Variants in FEZF2 observed in about 807,000 individuals in gnomAD.
FEZF2 encodes fez family zinc finger protein 2.
In FEZF2, 2 loss-of-function variants were observed where a neutral mutation model predicts 32.8. The observed-to-expected ratio is 0.06, with a 90% CI of 0.02 to 0.19. The LOEUF (loss-of-function observed/expected upper bound fraction) is 0.19, where lower values mean the gene tolerates loss of function less well. Ranked by LOEUF, FEZF2 falls within the 10% of genes least tolerant of loss-of-function variation. FEZF2 has a pLI of 1.00. For missense variants in FEZF2, 516 were observed against 625.4 expected, an observed-to-expected ratio of 0.83 and a Z score of 1.87; for synonymous variants, 322 against 284.8, an observed-to-expected ratio of 1.13 and a Z score of -1.32.
In FEZF2 at chr3:62,369,990, A is replaced by G. The variant is rs1056434252; in HGVS notation, c.*93T>C. On this transcript the variant is annotated 3_prime_UTR_variant, in exon 5 of 5. Coordinates refer to ENST00000283268, the MANE Select transcript of FEZF2 (RefSeq NM_018008.4). This position sits in a 1 kb window ranked among gnomAD's most constrained non-coding sequence, Gnocchi z 4.2. ...AAATAGATTTTAGCCTCTCTGCTATAGTTTTTTTTTCTTTTAATTTTAGAA... is the reference window on the plus strand; with the variant it reads ...AAATAGATTTTAGCCTCTCTGCTATGGTTTTTTTTTCTTTTAATTTTAGAA... 2.8e-5 allele frequency: 30 copies of G among 1,070,196 alleles called. No homozygotes were observed. Among genetic ancestry groups the G allele is most frequent in the Non-Finnish European group, 4.0e-5 (30 of 757,022 alleles). 66.3% of individuals were successfully genotyped at this position (1,070,196 alleles called of 1,614,324 possible).
In FEZF2 at chr3:62,372,436, C is replaced by G. The variant is rs762481220; in HGVS notation, c.433G>C (p.Ala145Pro). The G allele has an allele frequency of 6.2e-7, 1 of 1,608,686 alleles. No individual in the cohort carries two copies. The highest frequency in any genetic ancestry group is 1.1e-5 in the South Asian group (1 of 90,566). ...CKAELGLAPS[A>P]LPAGRVIKPQ... ...TTGATGACCCTGCCCGCGGGCAGCGCGGACGGCGCCAGGCCCAGCTCGGCC... is the reference window on the plus strand; with the variant it reads ...TTGATGACCCTGCCCGCGGGCAGCGGGGACGGCGCCAGGCCCAGCTCGGCC... The change falls in exon 2 of 5, where the codon GCG (alanine) becomes CCG (proline). Residue 145 changes from alanine (A) to proline (P), a missense_variant. Physicochemically the swap from Ala to Pro is conservative, Grantham distance 27. Coordinates refer to ENST00000283268, the MANE Select transcript of FEZF2 (RefSeq NM_018008.4). The surrounding 1 kb of genome is among the most constrained non-coding windows in gnomAD (Gnocchi z 9.6).
chr3:62,371,682 G>C lies in FEZF2; in HGVS notation c.853-15C>G. 6.2e-7 allele frequency: 1 copy of C among 1,601,114 alleles called. No homozygotes were observed. ...GCGTTAAACACCTATGGAAAGACAT[G>C]GGGGGCCTTGTGGTGCGTCTGTCCG... On this transcript the variant is annotated splice_polypyrimidine_tract_variant and intron_variant, in intron 2 of 4. Coordinates refer to ENST00000283268, the MANE Select transcript of FEZF2 (RefSeq NM_018008.4).
chr3:62,371,203 G>A lies in FEZF2; in HGVS notation c.1120+14C>T. 6.2e-7 allele frequency: 1 copy of A among 1,614,230 alleles called. No homozygotes were observed. The highest frequency in any genetic ancestry group is 8.5e-7 in the Non-Finnish European group (1 of 1,180,024). ...AGGTGAGGTGAGAAGAGAAGGCCTC[G>A]CCTGGCACGTTACCTTTTTGGTGAA... On this transcript the variant is annotated intron_variant, in intron 4 of 4. Coordinates refer to ENST00000283268, the MANE Select transcript of FEZF2 (RefSeq NM_018008.4).
Position 62,372,430 on chromosome 3 carries a change from G to A in FEZF2, c.439C>T (p.Pro147Ser). The change falls in exon 2 of 5, where the codon CCC becomes TCC. Residue 147 changes from proline to serine, a missense_variant. Pro to Ser is a moderately conservative substitution (Grantham distance 74). Around this residue, in one of 3 missense-constraint regions of FEZF2, gnomAD observed 408 missense variants for 382.2 expected, o/e 1.07. Coordinates refer to ENST00000283268, the MANE Select transcript of FEZF2 (RefSeq NM_018008.4). The surrounding 1 kb of genome is among the most constrained non-coding windows in gnomAD (Gnocchi z 9.6). ...TGCGGCTTGATGACCCTGCCCGCGG[G>A]CAGCGCGGACGGCGCCAGGCCCAGC... ...AELGLAPSAL[P>S]AGRVIKPQVI... 3.7e-6 allele frequency: 6 copies of A among 1,609,558 alleles called. No individual in the cohort carries two copies. Among genetic ancestry groups the A allele is most frequent in the Non-Finnish European group, 5.1e-6 (6 of 1,179,150 alleles).
rs1704306494 is a variant in FEZF2 at position 62,373,494 on chromosome 3, A to T, written c.-274T>A. On this transcript the variant is annotated 5_prime_UTR_variant, in exon 1 of 5. Coordinates refer to ENST00000283268, the MANE Select transcript of FEZF2 (RefSeq NM_018008.4). The surrounding 1 kb of genome is among the most constrained non-coding windows in gnomAD (Gnocchi z 5.5). ...CCCGCGCCTGCCGGCCGCCGCCACC[A>T]CCGCCCCTCAAACTTTAAAAGGAGG... is the stretch of plus-strand genomic sequence containing the variant. 6.6e-6 allele frequency: 1 copy of T among 151,976 alleles called. No individual in the cohort carries two copies. Among genetic ancestry groups the T allele is most frequent in the South Asian group, 2.1e-4 (1 of 4,764 alleles). The allele number at this position is 151,976 out of a possible 1,614,324, so 9.4% of individuals were successfully genotyped here. A position where few individuals can be genotyped will look rare whatever the true frequency, so the allele number is the denominator to read the frequency against.
chr3:62,371,779 C>T (rs1018185044), intron 2 of FEZF2, 112 bp from the exon 3 acceptor site: 4 of 1,490,996 alleles, frequency 2.7e-6, no homozygotes, highest in Non-Finnish European at 3.6e-6. Context: ...GAAACCAGAG[C>T]CTTTTTCAGT....
chr3:62,370,622 C>A lies in FEZF2; in HGVS notation c.1121-280G>T, dbSNP rs2148945064. On this transcript the variant is annotated intron_variant, in intron 4 of 4. Coordinates refer to ENST00000283268, the MANE Select transcript of FEZF2 (RefSeq NM_018008.4). The surrounding 1 kb of genome is among the most constrained non-coding windows in gnomAD (Gnocchi z 4.2). Reference sequence around the variant, plus strand: ...TTCCCTCCCGCCGCGCTCCGCGGGCCGGGAAACTTTTGCGTAGCCCAGAGA... The same window carrying A: ...TTCCCTCCCGCCGCGCTCCGCGGGCAGGGAAACTTTTGCGTAGCCCAGAGA... Among the ~76,000 whole-genome samples, 1 of 152,360 alleles carries A rather than the reference C, an allele frequency of 6.6e-6. No individual in the cohort carries two copies. Among genetic ancestry groups the A allele is most frequent in the African/African-American group, 2.4e-5 (1 of 41,592 alleles).
In FEZF2 at chr3:62,371,495, G is replaced by T. The variant is rs764642466; in HGVS notation, c.987+38C>A. On this transcript the variant is annotated intron_variant, in intron 3 of 4. Coordinates refer to ENST00000283268, the MANE Select transcript of FEZF2 (RefSeq NM_018008.4). Reference sequence around the variant, plus strand: ...CGGTGTTATCACTAAGATTCTGGGGGTTGCGCGCGGGCTAGGCCCGACCCG... The same window carrying T: ...CGGTGTTATCACTAAGATTCTGGGGTTTGCGCGCGGGCTAGGCCCGACCCG... 5.0e-6 allele frequency: 8 copies of T among 1,592,844 alleles called. No individual in the cohort carries two copies. In the South Asian group the frequency reaches 8.0e-5, roughly 16 times the overall value.
chr3:62,371,401 G>A (rs1404504964), intron 3 of FEZF2, 52 bp from the exon 4 acceptor site: 1 of 1,594,530 alleles, frequency 6.3e-7, no homozygotes, highest in Non-Finnish European at 8.6e-7. Context: ...GGGAACACCT[G>A]GAAGGGACAT....
rs924233548 is a variant in FEZF2 at position 62,370,286 on chromosome 3, T to C, written c.1177A>G (p.Ile393Val). ...ACCTGGTGGAAGGCCTTGTTGCAGA[T>C]GGTACATTTGTACTGCTTCTCGCCG... ...HSGEKQYKCT[I>V]CNKAFHQVYN... Residue 393 changes from isoleucine to valine, a missense_variant, in exon 5 of 5, where the codon ATC becomes GTC. Transcript: ENST00000283268. The surrounding 1 kb of genome is among the most constrained non-coding windows in gnomAD (Gnocchi z 4.2). 1.2e-6 allele frequency: 2 copies of C among 1,614,114 alleles called. No individual in the cohort carries two copies. Among genetic ancestry groups the C allele is most frequent in the Non-Finnish European group, 1.7e-6 (2 of 1,180,048 alleles).
intron 2 of FEZF2, 42 bp downstream of exon 2, chr3:62,371,975 G>C: frequency 6.3e-7 from 1 of 1,583,546 alleles, no homozygotes; most frequent in East Asian, 2.3e-5. Flanking sequence ...CGCCGCCGCC[G>C]ATCGCCCCTC....
chr3:62,371,985 C>T, intron 2 of FEZF2, 32 bp downstream of exon 2: 1 of 1,591,578 alleles, frequency 6.3e-7, no homozygotes, highest in Non-Finnish European at 8.5e-7. Context: ...GATCGCCCCT[C>T]CCGGCCCCCC....
rs1490642405 is a variant in FEZF2 at position 62,372,139 on chromosome 3, G to C, written c.730C>G (p.Gln244Glu). 2.6e-5 allele frequency: 42 copies of C among 1,595,460 alleles called. No homozygotes were observed. Among genetic ancestry groups the C allele is most frequent in the Non-Finnish European group, 3.3e-5 (39 of 1,171,488 alleles). ...HKERLPAPLE[Q>E]VLKENSALTA... is the part of the protein sequence containing the mutation. ...AGGGCCGAGTTTTCCTTCAGTACCTGCTCCAGCGGCGCCGGCAAGCGCTCC... is the reference window on the plus strand; with the variant it reads ...AGGGCCGAGTTTTCCTTCAGTACCTCCTCCAGCGGCGCCGGCAAGCGCTCC... The change falls in exon 2 of 5, where the codon CAG becomes GAG. Residue 244 changes from glutamine to glutamate, a missense_variant. Physicochemically the swap from Gln to Glu is conservative, Grantham distance 29. This residue lies in a region of FEZF2 where 408 missense variants were observed against 382.2 expected (regional missense o/e 1.07). Coordinates refer to ENST00000283268, the MANE Select transcript of FEZF2 (RefSeq NM_018008.4). This position sits in a 1 kb window ranked among gnomAD's most constrained non-coding sequence, Gnocchi z 9.6.
Position 62,371,481 on chromosome 3 carries a change from C to T in FEZF2, c.987+52G>A, listed in dbSNP as rs1933484181. 4 of 1,585,654 alleles carry T rather than the reference C, an allele frequency of 2.5e-6. No individual in the cohort carries two copies. The African/African-American group carries it at 5.4e-5, about 21-fold the overall frequency. Reference sequence around the variant, plus strand: ...GGCCATCGTATCCCCGGTGTTATCACTAAGATTCTGGGGGTTGCGCGCGGG... The same window carrying T: ...GGCCATCGTATCCCCGGTGTTATCATTAAGATTCTGGGGGTTGCGCGCGGG... On this transcript the variant is annotated intron_variant, in intron 3 of 4. Coordinates refer to ENST00000283268, the MANE Select transcript of FEZF2 (RefSeq NM_018008.4).
At position 62,370,353 on chromosome 3, in the gene FEZF2, T is replaced by C; in HGVS notation, c.1121-11A>G. 1 of 1,611,514 alleles carries C rather than the reference T, an allele frequency of 6.2e-7. No homozygotes were observed. The highest frequency in any genetic ancestry group is 8.5e-7 in the Non-Finnish European group (1 of 1,178,240). ...GGTTCTTGTAGTTCCCTACAACAGATCAAGAACAAAAAACGTGGGGGTATG... is the reference window on the plus strand; with the variant it reads ...GGTTCTTGTAGTTCCCTACAACAGACCAAGAACAAAAAACGTGGGGGTATG... On this transcript the variant is annotated splice_polypyrimidine_tract_variant and intron_variant, in intron 4 of 4. Coordinates refer to ENST00000283268, the MANE Select transcript of FEZF2 (RefSeq NM_018008.4). This position sits in a 1 kb window ranked among gnomAD's most constrained non-coding sequence, Gnocchi z 4.2.
At position 62,372,423 on chromosome 3, in the gene FEZF2, C is replaced by G; in HGVS notation, c.446G>C (p.Gly149Ala). The change falls in exon 2 of 5, where the codon GGC becomes GCC. Residue 149 changes from glycine to alanine, a missense_variant. Gly to Ala is a moderately conservative substitution (Grantham distance 60, BLOSUM62 0). Coordinates refer to ENST00000283268, the MANE Select transcript of FEZF2 (RefSeq NM_018008.4). The surrounding 1 kb of genome is among the most constrained non-coding windows in gnomAD (Gnocchi z 9.6). The part of the protein sequence containing the change: ...LGLAPSALPA[G>A]RVIKPQVINQ... ...GATGACCTGCGGCTTGATGACCCTG[C>G]CCGCGGGCAGCGCGGACGGCGCCAG... 1 of 1,610,192 alleles carries G rather than the reference C, an allele frequency of 6.2e-7. No homozygotes were observed. Among genetic ancestry groups the G allele is most frequent in the Non-Finnish European group, 8.5e-7 (1 of 1,179,322 alleles).
intron 2 of FEZF2, 119 bp downstream of exon 2, chr3:62,371,898 T>A (rs1436188349): frequency 4.6e-5 from 66 of 1,446,832 alleles, no homozygotes; most frequent in Non-Finnish European, 5.8e-5. Flanking sequence ...GCTCCCAGTT[T>A]GGGTAGTCAA....
Position 62,372,861 on chromosome 3 carries a change from C to T in FEZF2, c.8G>A (p.Ser3Asn). Residue 3 changes from serine to asparagine, a missense_variant, in exon 2 of 5, where the codon AGC becomes AAC. Ser to Asn is a conservative substitution (Grantham distance 46). Transcript: ENST00000283268. This position sits in a 1 kb window ranked among gnomAD's most constrained non-coding sequence, Gnocchi z 9.6. ...CACCATGGTCTCCAGGGAAGCCGAG[C>T]TTGCCATGGCGCGCGGAGCTGAGCC... MASSASLETMVPP... is the reference protein window; with the variant it reads MANSASLETMVPP... The T allele has an allele frequency of 7.0e-7, 1 of 1,435,026 alleles. No homozygotes were observed. 88.9% of individuals were successfully genotyped at this position (1,435,026 alleles called of 1,614,324 possible).
Position 62,369,765 on chromosome 3 carries a change from C to T in FEZF2, c.*318G>A, listed in dbSNP as rs1704243551. The T allele has an allele frequency of 6.5e-6, 2 of 308,176 alleles. No individual in the cohort carries two copies. Among genetic ancestry groups the T allele is most frequent in the Non-Finnish European group, 1.2e-5 (2 of 167,110 alleles). The allele number at this position is 308,176 out of a possible 1,614,324, so 19.1% of individuals were successfully genotyped here. ...ATGGCTGTATAAAGATGGCTAGGGG[C>T]GCCGCGCTCTTCTGGGGCGCTCACG... On this transcript the variant is annotated 3_prime_UTR_variant, in exon 5 of 5. Coordinates refer to ENST00000283268, the MANE Select transcript of FEZF2 (RefSeq NM_018008.4). The surrounding 1 kb of genome is among the most constrained non-coding windows in gnomAD (Gnocchi z 4.2).
Sources: allele counts gnomAD v4.1 joint callset (sites outside exome capture counted in the v4.1 genomes callset), GRCh38; gene constraint gnomAD v4.1.1; regional missense constraint gnomAD v4.1.1; non-coding constraint Gnocchi (gnomAD v3.1); transcripts MANE v1.5; gene names NCBI Gene and HGNC (gene_info 2026-07-23, HGNC 2026-07-21).